PDE6B: variants seen among roughly 807,000 people sequenced by gnomAD.
The protein encoded by PDE6B is rod cGMP-specific 3',5'-cyclic phosphodiesterase subunit beta.
In PDE6B, 106 loss-of-function variants were observed where a neutral mutation model predicts 109.0. The observed-to-expected ratio is 0.97, with a 90% confidence interval of 0.83 to 1.14. The LOEUF (loss-of-function observed/expected upper bound fraction) is 1.14. Ranked by LOEUF, PDE6B falls within the 50% of genes most tolerant of loss-of-function variation. The pLI, the probability that PDE6B is intolerant of heterozygous loss-of-function variation, is 0.00. For missense variants in PDE6B, 1,193 were observed against 1,155.6 expected (o/e 1.03, Z -0.47); for synonymous variants, 490 against 471.3 (o/e 1.04, Z -0.51).
At chr4:638,096 G>A (rs187640061) in intron 3 of PDE6B, among the ~76,000 whole-genome samples, 85 of 152,340 alleles carry the variant, frequency 5.6e-4, no homozygotes, top group Middle Eastern at 6.8e-3. Flanking sequence ...CGTTCCTGCT[G>A]CTCTGCACCC....
rs969757264 is a variant in PDE6B, at chr4:663,002, C to CA, written c.1833-90dup. On this transcript the variant is annotated intron_variant, in intron 14 of 21. Coordinates refer to ENST00000496514, the MANE Select transcript of PDE6B (RefSeq NM_000283.4). This position sits in a 1 kb window ranked among gnomAD's most constrained non-coding sequence, Gnocchi z 4.0. ...TGGGTGACAGAGGCAGACCCTGTCT[C>CA]AAAAAAAAGAAAGTGGGGCCCATCT... is the stretch of plus-strand genomic sequence containing the variant. The CA allele has an allele frequency of 5.0e-5, 39 of 776,416 alleles. 1 individual carries two copies. Among genetic ancestry groups the CA allele is most frequent in the African/African-American group, 1.5e-4 (9 of 58,490 alleles). 48.1% of individuals were successfully genotyped at this position (776,416 alleles called of 1,614,324 possible). A position where few individuals can be genotyped will look rare whatever the true frequency, so the allele number is the denominator to read the frequency against.
rs1235412417 is a variant in PDE6B at position 626,659 on chromosome 4, C to T, written c.468+565C>T. 2.6e-5 allele frequency among the ~76,000 whole-genome samples: 4 copies of T among 152,234 alleles called. No homozygotes were observed. The highest frequency in any genetic ancestry group is 7.2e-5 in the African/African-American group (3 of 41,458). ...CGCCAGGGGAGAACAAACCTGGTAG[C>T]CACTGAGCACAGGGGTCCAGGGTGG... On this transcript the variant is annotated intron_variant, in intron 1 of 21. Transcript: ENST00000496514. The surrounding 1 kb of genome is among the most constrained non-coding windows in gnomAD (Gnocchi z 4.6).
At position 666,527 on chromosome 4, in the gene PDE6B, C is replaced by T; in HGVS notation, c.2269-4C>T. ...GTTCTCCCGCCCTCTGTTCCTCCCA[C>T]CAGCCTATGATGGACCGGAACAAGG... On this transcript the variant is annotated splice_region_variant and splice_polypyrimidine_tract_variant and intron_variant, in intron 19 of 21. Coordinates refer to ENST00000496514, the MANE Select transcript of PDE6B (RefSeq NM_000283.4). The surrounding 1 kb of genome is among the most constrained non-coding windows in gnomAD (Gnocchi z 5.6). 2 of 1,608,354 alleles carry T rather than the reference C, an allele frequency of 1.2e-6. No individual in the cohort carries two copies. The highest frequency in any genetic ancestry group is 1.7e-6 in the Non-Finnish European group (2 of 1,175,088).
chr4:649,674 C>A (rs1374364770), intron 3 of PDE6B, among the ~76,000 whole-genome samples: 1 of 149,018 alleles, frequency 6.7e-6, no homozygotes, highest in Non-Finnish European at 1.5e-5. Flanking sequence ...GCTGGTGGAC[C>A]CACAAAGGCC....
intron 7 of PDE6B, 84 bp from the exon 8 acceptor site, chr4:656,161 C>A: frequency 9.2e-7 from 1 of 1,087,162 alleles, no homozygotes; most frequent in South Asian, 1.2e-5. Flanking sequence ...CTTAAAAGCT[C>A]ACCTCAGGGC....
At chr4:664,086 C>A in intron 16 of PDE6B, 28 bp from the exon 17 acceptor site, 1 of 1,481,284 alleles carries the variant, frequency 6.8e-7, no homozygotes, top group Non-Finnish European at 9.4e-7. Context: ...TTGCTCCCAC[C>A]TGCACCTCCC....
intron 8 of PDE6B, 142 bp downstream of exon 8, chr4:656,434 C>A (rs1278204369): frequency 2.8e-6 from 2 of 718,796 alleles, no homozygotes; most frequent in African/African-American, 3.5e-5. Context: ...AATCCCAGCA[C>A]TTTGGGAGGC....
Position 662,762 on chromosome 4 carries a change from AG to A in PDE6B, c.1832+148del. 1 of 613,814 alleles carries A rather than the reference AG, an allele frequency of 1.6e-6. No individual in the cohort carries two copies. Among genetic ancestry groups the A allele is most frequent in the South Asian group, 1.5e-5 (1 of 65,486 alleles). 38.0% of individuals were successfully genotyped at this position (613,814 alleles called of 1,614,324 possible). On this transcript the variant is annotated intron_variant, in intron 14 of 21. Transcript: ENST00000496514. This position sits in a 1 kb window ranked among gnomAD's most constrained non-coding sequence, Gnocchi z 4.3. ...TCCAGCACTGTGGGAGGCCAAGGCG[AG>A]GGGATTGCTTGAGCCCAGGAGTTCG...
intron 17 of PDE6B, among the ~76,000 whole-genome samples, chr4:664,582 G>A (rs1303518176): frequency 6.6e-6 from 1 of 152,174 alleles, no homozygotes; most frequent in Admixed American, 6.5e-5. Flanking sequence ...TTGGGAGGCC[G>A]AGGGGAGTGG....
At chr4:654,734 T>C (rs1386593843) in intron 5 of PDE6B, 90 bp from the exon 6 acceptor site, 2 of 811,518 alleles carry the variant, frequency 2.5e-6, no homozygotes, top group Non-Finnish European at 4.5e-6. Context: ...TGCGTGTGGC[T>C]GTGTGTAGCT....
rs750939302 is a variant in PDE6B, at chr4:666,553, C to T, written c.2291C>T (p.Ala764Val). 2.0e-5 allele frequency: 33 copies of T among 1,612,386 alleles called. No individual in the cohort carries two copies. The highest frequency in any genetic ancestry group is 4.4e-5 in the South Asian group (4 of 91,066). Residue 764 changes from alanine to valine, a missense_variant, in exon 20 of 22, where the codon GCG (alanine) becomes GTG (valine). By Grantham distance (64) the Ala-to-Val change is moderately conservative. Coordinates refer to ENST00000496514, the MANE Select transcript of PDE6B (RefSeq NM_000283.4). This position sits in a 1 kb window ranked among gnomAD's most constrained non-coding sequence, Gnocchi z 5.6. Reference sequence around the variant, plus strand: ...CAGCCTATGATGGACCGGAACAAGGCGGCCGAGCTCCCCAAGCTGCAAGTG... The same window carrying T: ...CAGCCTATGATGGACCGGAACAAGGTGGCCGAGCTCCCCAAGCTGCAAGTG... ...QPIPMMDRNKAAELPKLQVGF... is the reference protein window; with the variant it reads ...QPIPMMDRNKVAELPKLQVGF...
In PDE6B at chr4:656,003, C is replaced by G. The variant is rs747990155; in HGVS notation, c.1056C>G (p.Gly352=). 2 of 1,590,632 alleles carry G rather than the reference C, an allele frequency of 1.3e-6. No homozygotes were observed. The highest frequency in any genetic ancestry group is 2.2e-5 in the East Asian group (1 of 44,796). ...SGLPSYVAES[G]FICNIMNASA... is the part of the protein sequence containing the mutation. ...TTCCAAGCTACGTGGCAGAAAGCGG[C>G]TTTGTGAGTCCCGTGCTGTCTGGAG... The change falls in exon 7 of 22, where the codon GGC becomes GGG. Residue 352 remains glycine, a synonymous_variant. Transcript: ENST00000496514.
intron 3 of PDE6B, among the ~76,000 whole-genome samples, chr4:651,109 G>GGCGGCGATGTCAACAGCA (rs1735498801): frequency 6.7e-6 from 1 of 150,184 alleles, no homozygotes; most frequent in African/African-American, 2.5e-5. Flanking sequence ...CAGGGGCTGA[G>GGCGGCGATGTCAACAGCA]GTGGCGATGT....
At chr4:654,356 G>A in intron 5 of PDE6B, 1 of 685,288 alleles carries the variant, frequency 1.5e-6, no homozygotes. Context: ...GCTGGTCCCT[G>A]AATGAGGGCC....
Position 663,691 on chromosome 4 carries a change from G to C in PDE6B, c.1921-79G>C. On this transcript the variant is annotated intron_variant, in intron 15 of 21. Transcript: ENST00000496514. The surrounding 1 kb of genome is among the most constrained non-coding windows in gnomAD (Gnocchi z 4.0). ...GGGGGCGTGAGAGGCACAGGCAGCC[G>C]AGGCGGAAGGGGCGGGGTCCCCGGG... is the stretch of plus-strand genomic sequence containing the variant. 1.9e-6 allele frequency: 2 copies of C among 1,044,694 alleles called. No homozygotes were observed. Among genetic ancestry groups the C allele is most frequent in the Non-Finnish European group, 3.0e-6 (2 of 673,792 alleles). 64.7% of individuals were successfully genotyped at this position (1,044,694 alleles called of 1,614,324 possible). A position where few individuals can be genotyped will look rare whatever the true frequency, so the allele number is the denominator to read the frequency against.
intron 1 of PDE6B, among the ~76,000 whole-genome samples, chr4:628,022 G>A (rs1008150656): frequency 7.9e-5 from 12 of 152,082 alleles, no homozygotes; most frequent in African/African-American, 1.7e-4. Flanking sequence ...ACTGACCTCC[G>A]AGGCCTCTCC....
rs74852639 is a variant in PDE6B at position 636,881 on chromosome 4, G to T, written c.711+912G>T. Among the ~76,000 whole-genome samples, 1,001 of 152,324 alleles carry T rather than the reference G, an allele frequency of 6.6e-3. 10 individuals are homozygous for T. The highest frequency in any genetic ancestry group is 0.023 in the African/African-American group (960 of 41,580). On this transcript the variant is annotated intron_variant, in intron 3 of 21. Transcript: ENST00000496514. This position sits in a 1 kb window ranked among gnomAD's most constrained non-coding sequence, Gnocchi z 4.5. ...GGGGCATCCAGCCATCCAGCCAGTGGACACCTGTGAGAAAACCCCCCGGAG... is the reference window on the plus strand; with the variant it reads ...GGGGCATCCAGCCATCCAGCCAGTGTACACCTGTGAGAAAACCCCCCGGAG...
rs775328880 is a variant in PDE6B, at chr4:662,459, C to T, written c.1723-50C>T. On this transcript the variant is annotated intron_variant, in intron 13 of 21. Coordinates refer to ENST00000496514, the MANE Select transcript of PDE6B (RefSeq NM_000283.4). This position sits in a 1 kb window ranked among gnomAD's most constrained non-coding sequence, Gnocchi z 4.3. ...GGTCATCCCAACCCCTCACCACTCCCCACCCTGCTGGAGCCAGGACCGGTG... is the reference window on the plus strand; with the variant it reads ...GGTCATCCCAACCCCTCACCACTCCTCACCCTGCTGGAGCCAGGACCGGTG... 10 of 1,310,664 alleles carry T rather than the reference C, an allele frequency of 7.6e-6. No individual in the cohort carries two copies. Among genetic ancestry groups the T allele is most frequent in the Non-Finnish European group, 1.1e-5 (10 of 904,290 alleles). 81.2% of individuals were successfully genotyped at this position (1,310,664 alleles called of 1,614,324 possible). A position where few individuals can be genotyped will look rare whatever the true frequency, so the allele number is the denominator to read the frequency against.
intron 17 of PDE6B, 64 bp from the exon 18 acceptor site, chr4:664,817 C>A: frequency 7.9e-7 from 1 of 1,273,846 alleles, no homozygotes; most frequent in Non-Finnish European, 1.1e-6. Context: ...AAAAAGAAAA[C>A]ACATATAAAC....
Sources: gnomAD v4.1 joint callset for allele counts (sites outside exome capture counted in the v4.1 genomes callset) on GRCh38, gnomAD v4.1.1 for gene constraint, Gnocchi (gnomAD v3.1) non-coding constraint, MANE v1.5 for transcripts, NCBI Gene and HGNC (gene_info 2026-07-23, HGNC 2026-07-21) for gene names.